The following NBAS variants were observed in gnomAD, a reference collection of about 807,000 sequenced individuals.
The protein encoded by NBAS is NAG/BC035112 fusion.
In NBAS, 219 loss-of-function variants were observed where a neutral mutation model predicts 302.5. The observed-to-expected ratio is 0.72, with a 90% confidence interval of 0.65 to 0.81. NBAS has a LOEUF of 0.81. Among genes scored for constraint, NBAS ranks in the 30% least tolerant of loss-of-function variants. The pLI is 0.00. For synonymous variants in NBAS, 1,118 were observed against 1,021.6 expected (o/e 1.09, Z -1.80); for missense variants, 2,932 against 2,841.6 (o/e 1.03, Z -0.72).
chr2:14,894,243 T>C, the NBAS span, among the ~76,000 whole-genome samples: 1 of 152,104 alleles, frequency 6.6e-6, no homozygotes, highest in Non-Finnish European at 1.5e-5. Flanking sequence ...ATATGTGAGA[T>C]CCAGAAAACA....
chr2:15,132,631 A>G, the NBAS span, among the ~76,000 whole-genome samples: 1 of 152,160 alleles, frequency 6.6e-6, no homozygotes. Flanking sequence ...AAATGTACCA[A>G]ATTGTAGCAA....
intron 12 of NBAS, among the ~76,000 whole-genome samples, chr2:15,487,276 G>A (rs2148609114): frequency 6.6e-6 from 1 of 152,202 alleles, no homozygotes; most frequent in South Asian, 2.1e-4. Context: ...GTATCTTTTG[G>A]ATCAATGAAA....
At chr2:15,491,299 T>C (rs1018605507) in intron 11 of NBAS, among the ~76,000 whole-genome samples, 2 of 152,210 alleles carry the variant, frequency 1.3e-5, no homozygotes, top group African/African-American at 4.8e-5. Flanking sequence ...GAAAAGAACA[T>C]CCTCATCTCT....
the NBAS span, among the ~76,000 whole-genome samples, chr2:14,785,909 C>T: frequency 5.3e-5 from 8 of 152,090 alleles, no homozygotes; most frequent in Non-Finnish European, 1.0e-4. Flanking sequence ...CCAGTTCCTC[C>T]TTGTACCTCT....
At chr2:14,978,803 T>C in the NBAS span, among the ~76,000 whole-genome samples, 3 of 152,206 alleles carry the variant, frequency 2.0e-5, no homozygotes, top group African/African-American at 7.2e-5. Flanking sequence ...CAACATTACA[T>C]TTCAATGATT....
the NBAS span, among the ~76,000 whole-genome samples, chr2:15,048,878 C>T: frequency 6.6e-6 from 1 of 152,230 alleles, no homozygotes; most frequent in Non-Finnish European, 1.5e-5. Flanking sequence ...AGGCCAATCA[C>T]TGGGAGTGAG....
At chr2:15,520,046 T>C (rs1401635545) in intron 9 of NBAS, among the ~76,000 whole-genome samples, 2 of 152,200 alleles carry the variant, frequency 1.3e-5, no homozygotes, top group Non-Finnish European at 2.9e-5. Flanking sequence ...GGGCATCATA[T>C]TTAAAACTGA....
chr2:15,060,076 A>T, the NBAS span, among the ~76,000 whole-genome samples: 1 of 152,114 alleles, frequency 6.6e-6, no homozygotes, highest in African/African-American at 2.4e-5. Flanking sequence ...TGCCGCCAGC[A>T]TGCTGAGTGA....
intron 32 of NBAS, among the ~76,000 whole-genome samples, chr2:15,359,823 C>T (rs1363890014): frequency 6.6e-6 from 1 of 151,778 alleles, no homozygotes; most frequent in Non-Finnish European, 1.5e-5. Flanking sequence ...AATAGAAAGG[C>T]TCAAAAAAAT....
At chr2:14,924,371 G>T in the NBAS span, among the ~76,000 whole-genome samples, 1 of 152,212 alleles carries the variant, frequency 6.6e-6, no homozygotes, top group Non-Finnish European at 1.5e-5. Flanking sequence ...CTAGGAAGAA[G>T]TTGTTTTATA....
At chr2:15,319,505 A>G (rs1671689895) in intron 38 of NBAS, among the ~76,000 whole-genome samples, 1 of 152,212 alleles carries the variant, frequency 6.6e-6, no homozygotes, top group African/African-American at 2.4e-5. Flanking sequence ...CACTAGCAAG[A>G]GCAATAAAGA....
chr2:15,021,280 T>C, the NBAS span, among the ~76,000 whole-genome samples: 1 of 151,886 alleles, frequency 6.6e-6, no homozygotes, highest in Non-Finnish European at 1.5e-5. Flanking sequence ...AGTAAGACAG[T>C]GACTCTGAAA....
At chr2:14,819,122 C>A in the NBAS span, among the ~76,000 whole-genome samples, 52 of 152,340 alleles carry the variant, frequency 3.4e-4, no homozygotes, top group Non-Finnish European at 5.6e-4. Context: ...TTTCTTCCCA[C>A]TAGACCTTGT....
chr2:15,382,377 C>A (rs933000096), intron 29 of NBAS, among the ~76,000 whole-genome samples: 1 of 152,096 alleles, frequency 6.6e-6, no homozygotes, highest in African/African-American at 2.4e-5. Context: ...TATAATAATG[C>A]CTGTCTAGGA....
intron 41 of NBAS, among the ~76,000 whole-genome samples, chr2:15,288,514 G>A (rs914898872): frequency 1.3e-5 from 2 of 152,176 alleles, no homozygotes; most frequent in African/African-American, 4.8e-5. Context: ...AGGCCTGCTA[G>A]GGGACCTGCG....
At chr2:15,336,092 C>CAAAAAAA (rs112260741) in intron 35 of NBAS, among the ~76,000 whole-genome samples, 1 of 105,714 alleles carries the variant, frequency 9.5e-6, no homozygotes. Flanking sequence ...ATCCTCATTT[C>CAAAAAAA]AAAAAAAAAA....
the NBAS span, among the ~76,000 whole-genome samples, chr2:14,964,398 T>A: frequency 6.6e-6 from 1 of 152,152 alleles, no homozygotes; most frequent in African/African-American, 2.4e-5. Context: ...GAATGGCAGT[T>A]TAGACATTAC....
At position 15,488,894 on chromosome 2, in the gene NBAS, C is replaced by T; in HGVS notation, c.1083G>A (p.Gln361=). The T allele has an allele frequency of 2.5e-6, 4 of 1,613,582 alleles. No individual in the cohort carries two copies. Among genetic ancestry groups the T allele is most frequent in the Non-Finnish European group, 3.4e-6 (4 of 1,179,632 alleles). The change falls in exon 12 of 52, where the codon CAG becomes CAA. Residue 361 remains glutamine, a splice_region_variant and synonymous_variant. Transcript: ENST00000281513. ...KQQGEWGQNE[Q]PGYDDLNPDW... The stretch of plus-strand genomic sequence containing the variant: ...TCATTCTAATAACCAAGAGACGCAC[C>T]TGCTCATTTTGACCCCATTCCCCTT...
intron 9 of NBAS, among the ~76,000 whole-genome samples, chr2:15,520,522 A>G (rs370125709): frequency 6.6e-6 from 1 of 152,196 alleles, no homozygotes; most frequent in South Asian, 2.1e-4. Flanking sequence ...AGGGGCCAGA[A>G]AACATTCTGT....
Sources: gnomAD v4.1 joint callset for allele counts (sites outside exome capture counted in the v4.1 genomes callset) on GRCh38, gnomAD v4.1.1 for gene constraint, MANE v1.5 for transcripts, NCBI Gene and HGNC (gene_info 2026-07-23, HGNC 2026-07-21) for gene names.